DHRS7B: variants seen among roughly 807,000 people sequenced by gnomAD.
DHRS7B encodes dehydrogenase/reductase 7B.
DHRS7B carries 24 observed loss-of-function variants against 26.4 expected under a neutral mutation model. The observed-to-expected ratio is 0.91, with a 90% CI of 0.66 to 1.28. DHRS7B has a LOEUF of 1.28. DHRS7B is among the 50% of genes most tolerant of loss of function. The probability of loss-of-function intolerance (pLI) is 0.00; values close to 1 mark genes in which losing one functional copy is unlikely to be tolerated. For missense variants in DHRS7B, 368 were observed against 419.4 expected (o/e 0.88, Z 1.07); for synonymous variants, 142 against 166.4 (o/e 0.85, Z 1.13).
chr17:21,173,162 C>T (rs16962247), intron 2 of DHRS7B, among the ~76,000 whole-genome samples: 2 of 152,234 alleles, frequency 1.3e-5, no homozygotes, highest in Admixed American at 1.3e-4. Flanking sequence ...AAGGAGGTCA[C>T]GGTCGTCTGT....
intron 1 of DHRS7B, among the ~76,000 whole-genome samples, chr17:21,138,129 C>CACACACAT (rs1429452660): frequency 2.6e-4 from 36 of 140,034 alleles, no homozygotes; most frequent in African/African-American, 9.2e-4. Flanking sequence ...CACACACACA[C>CACACACAT]ACATATATTT....
chr17:21,127,107 G>C (rs940854668), intron 1 of DHRS7B, 116 bp downstream of exon 1: 2 of 1,154,124 alleles, frequency 1.7e-6, no homozygotes, highest in African/African-American at 1.6e-5. Context: ...CTAAGGCCGC[G>C]GGCCCTGGGC....
rs1297710011 is a variant in DHRS7B, at chr17:21,145,404, G to A, written c.20+18413G>A. On this transcript the variant is annotated intron_variant, in intron 1 of 6. Transcript: ENST00000395511. ...GCTTCTCAGTAACTCTTCAGAAAAC[G>A]TGTTTAAAAAGAAAACATTTAAATG... 2.0e-5 allele frequency among the ~76,000 whole-genome samples: 3 copies of A among 152,020 alleles called. No individual in the cohort carries two copies. The South Asian group carries it at 6.2e-4, about 32-fold the overall frequency.
intron 1 of DHRS7B, among the ~76,000 whole-genome samples, chr17:21,133,058 G>A (rs866617339): frequency 4.6e-5 from 7 of 152,112 alleles, no homozygotes; most frequent in Middle Eastern, 3.2e-3. Context: ...ACCTACCTCC[G>A]GATTGCTGTG....
rs371187379 is a variant in DHRS7B at position 21,126,969 on chromosome 17, A to G, written c.-3A>G. ...CGAGGCGGGAGGATGAAGTTGATTG[A>G]CTATGGTCTCTCCGGCTACCAGGTA... On this transcript the variant is annotated 5_prime_UTR_variant, in exon 1 of 7. Coordinates refer to ENST00000395511, the MANE Select transcript of DHRS7B (RefSeq NM_015510.5). The G allele has an allele frequency of 1.1e-5, 17 of 1,538,266 alleles. No individual in the cohort carries two copies. The highest frequency in any genetic ancestry group is 1.5e-5 in the Non-Finnish European group (17 of 1,141,576).
At chr17:21,132,530 CAAAAAAAAAA>C (rs34728939) in intron 1 of DHRS7B, among the ~76,000 whole-genome samples, 1 of 81,702 alleles carries the variant, frequency 1.2e-5, no homozygotes, top group East Asian at 3.6e-4. Flanking sequence ...GACCTTGTCT[CAAAAAAAAAA>C]AAAAAAAAAC....
intron 1 of DHRS7B, among the ~76,000 whole-genome samples, chr17:21,156,469 G>A (rs1973882571): frequency 6.6e-6 from 1 of 152,000 alleles, no homozygotes; most frequent in African/African-American, 2.4e-5. Flanking sequence ...GCCAGGCATG[G>A]TGTTGTGCAC....
At position 21,150,121 on chromosome 17, in the gene DHRS7B, A is replaced by AC. The variant is rs1208673154; in HGVS notation, c.21-21897_21-21896insC. 5.3e-3 allele frequency among the ~76,000 whole-genome samples: 794 copies of AC among 150,122 alleles called. 10 individuals carry two copies. The highest frequency in any genetic ancestry group is 0.014 in the Middle Eastern group (4 of 284). Reference sequence around the variant, plus strand: ...ATCTCTATTTAAAAAAAAAAAAAAAAAAAAAAAAAAACTAAGGCATAGAGT... The same window carrying AC: ...ATCTCTATTTAAAAAAAAAAAAAAAACAAAAAAAAAAACTAAGGCATAGAGT... On this transcript the variant is annotated intron_variant, in intron 1 of 6. Coordinates refer to ENST00000395511, the MANE Select transcript of DHRS7B (RefSeq NM_015510.5).
intron 3 of DHRS7B, among the ~76,000 whole-genome samples, chr17:21,179,750 T>G (rs1974471402): frequency 6.7e-6 from 1 of 150,188 alleles, no homozygotes; most frequent in African/African-American, 2.4e-5. Flanking sequence ...TCACTCAGTA[T>G]CTTTTCACTT....
At chr17:21,172,776 T>G (rs1974289102) in intron 2 of DHRS7B, among the ~76,000 whole-genome samples, 1 of 152,098 alleles carries the variant, frequency 6.6e-6, no homozygotes, top group African/African-American at 2.4e-5. Flanking sequence ...CTAGGTCCAT[T>G]CCAACCCAGT....
At chr17:21,164,030 C>CTTTTGTTTTTTTTTTTT (rs1974055395) in intron 1 of DHRS7B, among the ~76,000 whole-genome samples, 2 of 96,976 alleles carry the variant, frequency 2.1e-5, no homozygotes, top group African/African-American at 5.1e-5. Context: ...AATTGTTGTG[C>CTTTTGTTTTTTTTTTTT]TTTTTTTTTT....
At chr17:21,159,963 G>T (rs1973965523) in intron 1 of DHRS7B, among the ~76,000 whole-genome samples, 2 of 150,810 alleles carry the variant, frequency 1.3e-5, no homozygotes, top group African/African-American at 4.9e-5. Context: ...GTTCATGCCT[G>T]TAATCTCAGC....
chr17:21,187,713 A>C (rs1050667029), intron 5 of DHRS7B, among the ~76,000 whole-genome samples: 1 of 151,636 alleles, frequency 6.6e-6, no homozygotes, highest in East Asian at 1.9e-4. Context: ...AGCACTGATT[A>C]TCTCTAGGAA....
intron 1 of DHRS7B, among the ~76,000 whole-genome samples, chr17:21,165,911 G>A (rs145690881): frequency 0.065 from 5,432 of 83,782 alleles, 135 homozygotes; most frequent in South Asian, 0.14. Context: ...GCAAGACTCC[G>A]TCTCCAAAAA....
intron 1 of DHRS7B, among the ~76,000 whole-genome samples, chr17:21,134,744 G>A (rs1973306440): frequency 6.6e-6 from 1 of 152,204 alleles, no homozygotes; most frequent in South Asian, 2.1e-4. Context: ...ATCAGGTAGA[G>A]AGAAACAAAT....
chr17:21,181,309 C>T (rs1329717421), intron 3 of DHRS7B, among the ~76,000 whole-genome samples: 1 of 152,164 alleles, frequency 6.6e-6, no homozygotes, highest in African/African-American at 2.4e-5. Flanking sequence ...TGATCTCGAA[C>T]TCCAGGCCTC....
At chr17:21,189,437 A>C (rs914407130) in intron 6 of DHRS7B, among the ~76,000 whole-genome samples, 1 of 152,238 alleles carries the variant, frequency 6.6e-6, no homozygotes, top group South Asian at 2.1e-4. Context: ...AGCAGAGACC[A>C]GTGTGCCCAT....
chr17:21,127,671 A>G (rs182429822), intron 1 of DHRS7B: 1 of 152,424 alleles, frequency 6.6e-6, no homozygotes, highest in African/African-American at 2.4e-5. Context: ...TGCGCGTGCA[A>G]GGTGCTCAGC....
At chr17:21,152,354 C>G (rs888720639) in intron 1 of DHRS7B, among the ~76,000 whole-genome samples, 2 of 152,076 alleles carry the variant, frequency 1.3e-5, no homozygotes, top group Non-Finnish European at 2.9e-5. Context: ...GGGATTTCAC[C>G]ACATTGCCCA....
Sources: allele counts gnomAD v4.1 joint callset (sites outside exome capture counted in the v4.1 genomes callset), GRCh38; gene constraint gnomAD v4.1.1; transcripts MANE v1.5; gene names NCBI Gene and HGNC (gene_info 2026-07-23, HGNC 2026-07-21).